Variants in CNBD1 observed in about 807,000 individuals in gnomAD.
CNBD1 encodes cyclic nucleotide binding domain containing 1.
In CNBD1, 71 loss-of-function variants were observed where a neutral mutation model predicts 54.4. That is an observed-to-expected ratio of 1.30 (90% confidence interval 1.08 to 1.59). CNBD1 has a LOEUF of 1.59. Ranked by LOEUF, CNBD1 falls within the 40% of genes most tolerant of loss-of-function variation. The probability of loss-of-function intolerance (pLI) is 0.00; values close to 1 mark genes in which losing one functional copy is unlikely to be tolerated. For missense variants in CNBD1, 659 were observed against 518.0 expected (o/e 1.27, Z -2.64); for synonymous variants, 182 against 170.7 (o/e 1.07, Z -0.51).
intron 2 of CNBD1, among the ~76,000 whole-genome samples, chr8:87,408,932 C>G (rs1488353724): frequency 6.6e-6 from 1 of 151,874 alleles, no homozygotes; most frequent in Non-Finnish European, 1.5e-5. Flanking sequence ...ATTCCCCCAT[C>G]TCTCTCTCTC....
At chr8:87,250,828 A>G (rs2130838943) in intron 6 of CNBD1, among the ~76,000 whole-genome samples, 1 of 152,336 alleles carries the variant, frequency 6.6e-6, no homozygotes, top group Admixed American at 6.5e-5. Flanking sequence ...GCAGAGAAAG[A>G]TAGCAGGGAT....
At chr8:86,927,620 T>C (rs1261231838) in intron 3 of CNBD1, among the ~76,000 whole-genome samples, 1 of 152,108 alleles carries the variant, frequency 6.6e-6, no homozygotes, top group Non-Finnish European at 1.5e-5. Context: ...ACATGGTTGA[T>C]GTGATTAGGA....
At chr8:87,407,342 G>T (rs1807668429) in intron 2 of CNBD1, among the ~76,000 whole-genome samples, 1 of 151,726 alleles carries the variant, frequency 6.6e-6, no homozygotes, top group African/African-American at 2.4e-5. Flanking sequence ...TCAGTACTCA[G>T]TACTTAGTTT....
At chr8:87,312,181 CAT>C (rs1358536380) in intron 8 of CNBD1, among the ~76,000 whole-genome samples, 1 of 152,006 alleles carries the variant, frequency 6.6e-6, no homozygotes, top group East Asian at 1.9e-4. Context: ...CGCAATAAAA[CAT>C]ATATTCCCCT....
intron 1 of CNBD1, among the ~76,000 whole-genome samples, chr8:86,875,211 T>G (rs1419809979): frequency 6.6e-6 from 1 of 151,994 alleles, no homozygotes; most frequent in Non-Finnish European, 1.5e-5. Flanking sequence ...TTCACTGCCA[T>G]CCATTCTGAC....
intron 5 of CNBD1, among the ~76,000 whole-genome samples, chr8:87,216,238 T>G (rs1383899124): frequency 2.0e-5 from 3 of 152,106 alleles, no homozygotes; most frequent in Non-Finnish European, 4.4e-5. Flanking sequence ...TTGTTTAATA[T>G]GAAAAGAGAA....
chr8:86,891,325 C>G (rs1808765592), intron 2 of CNBD1, among the ~76,000 whole-genome samples: 1 of 152,004 alleles, frequency 6.6e-6, no homozygotes, highest in South Asian at 2.1e-4. Context: ...TTTTTTAAAG[C>G]ACCACTTATT....
At chr8:87,208,032 C>T (rs1205152610) in intron 5 of CNBD1, among the ~76,000 whole-genome samples, 1 of 152,148 alleles carries the variant, frequency 6.6e-6, no homozygotes, top group Non-Finnish European at 1.5e-5. Context: ...TGTCTCTCTC[C>T]TTTTTCTTTA....
chr8:87,104,682 C>T (rs1811497417), intron 4 of CNBD1, among the ~76,000 whole-genome samples: 1 of 152,154 alleles, frequency 6.6e-6, no homozygotes, highest in Non-Finnish European at 1.5e-5. Context: ...GTATCTGGTC[C>T]ATAGTAAGAA....
At chr8:87,273,278 G>T (rs1400216087) in intron 6 of CNBD1, among the ~76,000 whole-genome samples, 1 of 151,796 alleles carries the variant, frequency 6.6e-6, no homozygotes, top group East Asian at 1.9e-4. Flanking sequence ...AATTCCTACT[G>T]AAATTCATGA....
intron 4 of CNBD1, among the ~76,000 whole-genome samples, chr8:87,152,083 T>A (rs1812615739): frequency 6.6e-6 from 1 of 151,836 alleles, no homozygotes; most frequent in African/African-American, 2.4e-5. Flanking sequence ...GTTTTGACAA[T>A]AAGAGAAAAT....
chr8:87,146,028 T>C (rs199861445), intron 4 of CNBD1, among the ~76,000 whole-genome samples: 3 of 152,306 alleles, frequency 2.0e-5, no homozygotes, highest in South Asian at 2.1e-4. Flanking sequence ...CTTCTTTGAC[T>C]CTGCATTGGA....
intron 4 of CNBD1, among the ~76,000 whole-genome samples, chr8:87,115,888 C>T (rs991695054): frequency 6.6e-6 from 1 of 152,148 alleles, no homozygotes; most frequent in African/African-American, 2.4e-5. Context: ...CACTGTGCAT[C>T]GGGCCTTCTG....
intron 4 of CNBD1, among the ~76,000 whole-genome samples, chr8:86,962,996 A>T (rs1418676628): frequency 6.6e-6 from 1 of 152,128 alleles, no homozygotes; most frequent in Non-Finnish European, 1.5e-5. Context: ...ACACTTGAGG[A>T]GTGCAGGCTG....
Position 86,973,113 on chromosome 8 carries a change from G to C in CNBD1, c.431+33359G>C, listed in dbSNP as rs569291478. On this transcript the variant is annotated intron_variant, in intron 4 of 10. Coordinates refer to ENST00000518476, the MANE Select transcript of CNBD1 (RefSeq NM_173538.3). ...CAAACAACCCTAGAGTGCTAAACCA[G>C]ATCCATACTGTTTGGCTCCTACCTA... Among the ~76,000 whole-genome samples, 11 of 152,228 alleles carry C rather than the reference G, an allele frequency of 7.2e-5. No homozygotes were observed. In the South Asian group the frequency reaches 2.3e-3, roughly 32 times the overall value.
At chr8:87,225,747 G>T (rs1480013782) in intron 5 of CNBD1, among the ~76,000 whole-genome samples, 1 of 150,930 alleles carries the variant, frequency 6.6e-6, no homozygotes. Context: ...GAATGATGCT[G>T]GCCTCATAAA....
chr8:86,956,245 A>T (rs1807765981), intron 4 of CNBD1, among the ~76,000 whole-genome samples: 1 of 152,074 alleles, frequency 6.6e-6, no homozygotes, highest in Non-Finnish European at 1.5e-5. Context: ...CTTGTAGTAT[A>T]GTTTGAAGTC....
At chr8:87,129,214 T>C (rs932092195) in intron 4 of CNBD1, among the ~76,000 whole-genome samples, 1 of 151,970 alleles carries the variant, frequency 6.6e-6, no homozygotes, top group South Asian at 2.1e-4. Flanking sequence ...TCCTTTTCAA[T>C]GTCCTGAAAT....
intron 2 of CNBD1, 70 bp downstream of exon 2, chr8:86,887,681 T>G: frequency 8.9e-7 from 1 of 1,118,272 alleles, no homozygotes. Flanking sequence ...AGGGATAAAG[T>G]ATAGTAATAA....
Sources: gnomAD v4.1 joint callset for allele counts (sites outside exome capture counted in the v4.1 genomes callset) on GRCh38, gnomAD v4.1.1 for gene constraint, MANE v1.5 for transcripts, NCBI Gene and HGNC (gene_info 2026-07-23, HGNC 2026-07-21) for gene names.